Variants in FHIT observed in about 807,000 individuals in gnomAD.
FHIT encodes fragile histidine triad diadenosine triphosphatase, also known as bis(5'-adenosyl)-triphosphatase.
A neutral mutation model predicts 17.9 loss-of-function variants in FHIT; 19 were observed. That is an observed-to-expected ratio of 1.06 (90% CI 0.74 to 1.56). FHIT has a LOEUF of 1.56. FHIT is among the 40% of genes most tolerant of loss of function. The pLI, the probability that FHIT is intolerant of heterozygous loss-of-function variation, is 0.00. For missense variants in FHIT, 248 were observed against 189.2 expected, an observed-to-expected ratio of 1.31 and a Z score of -1.82; for synonymous variants, 81 against 69.7, an observed-to-expected ratio of 1.16 and a Z score of -0.81.
chr3:60,114,293 A>T (rs1433947876), intron 5 of FHIT, among the ~76,000 whole-genome samples: 1 of 150,420 alleles, frequency 6.6e-6, no homozygotes, highest in African/African-American at 2.4e-5. Context: ...ACTAGAATTT[A>T]AAAATCTCCA....
chr3:60,253,936 A>G (rs560038803), intron 5 of FHIT, among the ~76,000 whole-genome samples: 1 of 152,338 alleles, frequency 6.6e-6, no homozygotes, highest in Non-Finnish European at 1.5e-5. Context: ...TCTAATCTCA[A>G]CTATTTCTTT....
At chr3:60,813,003 T>C (rs533567398) in intron 4 of FHIT, among the ~76,000 whole-genome samples, 1 of 152,144 alleles carries the variant, frequency 6.6e-6, no homozygotes, top group South Asian at 2.1e-4. Flanking sequence ...TATGTTAAAA[T>C]TTAACTGCCA....
intron 5 of FHIT, among the ~76,000 whole-genome samples, chr3:60,478,561 G>C (rs1280946794): frequency 2.6e-5 from 4 of 152,092 alleles, no homozygotes; most frequent in South Asian, 2.1e-4. Context: ...GAAGAGTAAC[G>C]ATCATGGTGA....
At chr3:60,564,204 ATC>A (rs1169703384) in intron 4 of FHIT, among the ~76,000 whole-genome samples, 1 of 152,164 alleles carries the variant, frequency 6.6e-6, no homozygotes, top group African/African-American at 2.4e-5. Context: ...ATGACAGCAC[ATC>A]TGTCTGTTGC....
At chr3:61,217,143 A>C (rs1462130139) in intron 1 of FHIT, among the ~76,000 whole-genome samples, 1 of 152,166 alleles carries the variant, frequency 6.6e-6, no homozygotes, top group Admixed American at 6.5e-5. Flanking sequence ...TTAAAGTATA[A>C]TAATAATAAA....
intron 3 of FHIT, among the ~76,000 whole-genome samples, chr3:60,953,551 C>T (rs769618953): frequency 3.3e-5 from 5 of 152,146 alleles, no homozygotes; most frequent in African/African-American, 7.2e-5. Context: ...CCTGACTAAT[C>T]GGAAATGACT....
At chr3:60,147,941 T>C (rs1700310685) in intron 5 of FHIT, among the ~76,000 whole-genome samples, 1 of 152,186 alleles carries the variant, frequency 6.6e-6, no homozygotes, top group Admixed American at 6.5e-5. Context: ...TGGAAGGCTC[T>C]GATGAAATCA....
At chr3:60,923,931 G>T (rs1006085456) in intron 3 of FHIT, among the ~76,000 whole-genome samples, 1 of 152,216 alleles carries the variant, frequency 6.6e-6, no homozygotes, top group African/African-American at 2.4e-5. Context: ...TGGCTAGGAG[G>T]GTCCTACGCC....
intron 8 of FHIT, among the ~76,000 whole-genome samples, chr3:59,833,838 G>A (rs1174495475): frequency 1.3e-5 from 2 of 152,158 alleles, no homozygotes; most frequent in Non-Finnish European, 2.9e-5. Context: ...TCTTGTGATA[G>A]TGAGTTCTCA....
intron 1 of FHIT, among the ~76,000 whole-genome samples, chr3:61,202,908 C>G (rs559591800): frequency 6.6e-6 from 1 of 151,976 alleles, no homozygotes; most frequent in Non-Finnish European, 1.5e-5. Flanking sequence ...AGGCCGGGCG[C>G]GGTGGCTCAC....
intron 3 of FHIT, among the ~76,000 whole-genome samples, chr3:60,860,923 A>G (rs568111035): frequency 3.7e-5 from 4 of 106,912 alleles, no homozygotes; most frequent in Non-Finnish European, 5.9e-5. Context: ...TATGATACAT[A>G]TATACGTATA....
At chr3:60,140,104 T>C (rs890150617) in intron 5 of FHIT, among the ~76,000 whole-genome samples, 5 of 151,536 alleles carry the variant, frequency 3.3e-5, no homozygotes, top group African/African-American at 9.7e-5. Flanking sequence ...CTGGGCAACA[T>C]AGTGAGATTC....
chr3:59,836,974 C>T (rs759228339), intron 8 of FHIT, among the ~76,000 whole-genome samples: 38 of 152,236 alleles, frequency 2.5e-4, no homozygotes, highest in East Asian at 3.9e-4. Flanking sequence ...ACTCACTATA[C>T]GTCTATGCTA....
intron 8 of FHIT, among the ~76,000 whole-genome samples, chr3:59,836,390 T>C (rs1701341209): frequency 6.6e-6 from 1 of 152,128 alleles, no homozygotes; most frequent in Non-Finnish European, 1.5e-5. Flanking sequence ...GATAACTAAG[T>C]AGGAGACCCA....
chr3:60,443,138 T>C (rs1478600233), intron 5 of FHIT, among the ~76,000 whole-genome samples: 2 of 152,212 alleles, frequency 1.3e-5, no homozygotes, highest in Non-Finnish European at 2.9e-5. Context: ...CCTGAGACTT[T>C]GCTGAAGTTG....
intron 5 of FHIT, among the ~76,000 whole-genome samples, chr3:60,070,808 G>A (rs768008086): frequency 1.3e-5 from 2 of 152,146 alleles, no homozygotes; most frequent in African/African-American, 2.4e-5. Flanking sequence ...CGCCTTTTAG[G>A]TAAATTCCTT....
At position 60,895,651 on chromosome 3, in the gene FHIT, CTCCT is replaced by C. The variant is rs1324641044; in HGVS notation, c.-110-73644_-110-73641del. On this transcript the variant is annotated intron_variant, in intron 3 of 9. Coordinates refer to ENST00000492590, the MANE Select transcript of FHIT (RefSeq NM_002012.4). The stretch of plus-strand genomic sequence containing the variant: ...TTTCTCCCTTCTTTCCTTCCTTTCC[CTCCT>C]TCCTTCCTTCCTTTCTTTCTTTCTT... Among the ~76,000 whole-genome samples, 149 of 136,072 alleles carry C rather than the reference CTCCT, an allele frequency of 1.1e-3. 1 individual carries two copies. Among genetic ancestry groups the C allele is most frequent in the African/African-American group, 2.9e-3 (92 of 32,228 alleles). The allele number at this position is 136,072 out of a possible 152,430, so 89.3% of individuals were successfully genotyped here. A position where few individuals can be genotyped will look rare whatever the true frequency, so the allele number is the denominator to read the frequency against.
chr3:60,362,092 T>G (rs960386917), intron 5 of FHIT, among the ~76,000 whole-genome samples: 3 of 152,164 alleles, frequency 2.0e-5, no homozygotes, highest in Admixed American at 6.5e-5. Flanking sequence ...AATAATTTTA[T>G]TGTGTGCATT....
intron 1 of FHIT, among the ~76,000 whole-genome samples, chr3:61,203,377 C>T (rs1051788752): frequency 9.2e-5 from 14 of 151,542 alleles, no homozygotes; most frequent in Non-Finnish European, 1.9e-4. Flanking sequence ...AATTATATGC[C>T]CATGCTAAAC....
Sources: gnomAD v4.1 joint callset for allele counts (sites outside exome capture counted in the v4.1 genomes callset) on GRCh38, gnomAD v4.1.1 for gene constraint, MANE v1.5 for transcripts, NCBI Gene and HGNC (gene_info 2026-07-23, HGNC 2026-07-21) for gene names.